IL1RAPL1: variants seen among roughly 807,000 people sequenced by gnomAD.
IL1RAPL1 encodes interleukin 1 receptor accessory protein like 1.
A neutral mutation model predicts 48.4 loss-of-function variants in IL1RAPL1; 3 were observed. The ratio of observed to expected loss-of-function variants is 0.06; its 90% CI spans 0.03 to 0.16. The LOEUF is 0.16. Ranked by LOEUF, IL1RAPL1 falls within the 10% of genes least tolerant of loss-of-function variation. The pLI is 1.00. For missense variants in IL1RAPL1, 349 were observed against 530.6 expected, an observed-to-expected ratio of 0.66 and a Z score of 3.36; for synonymous variants, 185 against 187.7, an observed-to-expected ratio of 0.99 and a Z score of 0.12.
intron 1 of IL1RAPL1, among the ~76,000 whole-genome samples, chrX:28,664,118 G>GT (rs1934849567): frequency 9.0e-6 from 1 of 111,558 alleles, no homozygotes; most frequent in Non-Finnish European, 1.9e-5. Flanking sequence ...CATCTTTCCT[G>GT]TTTTTTTCTA....
chrX:28,987,069 G>A (rs778242802), intron 2 of IL1RAPL1, among the ~76,000 whole-genome samples: 2 of 112,489 alleles, frequency 1.8e-5, no homozygotes, highest in Non-Finnish European at 3.8e-5. Context: ...CTTTGTACAT[G>A]TGCTTTTGAA....
intron 3 of IL1RAPL1, among the ~76,000 whole-genome samples, chrX:29,345,148 C>T (rs1023545473): frequency 8.9e-6 from 1 of 112,200 alleles, no homozygotes; most frequent in Non-Finnish European, 1.9e-5. Context: ...ATGAATATGC[C>T]TCATTGTACA....
At chrX:29,243,545 G>C (rs1210576964) in intron 2 of IL1RAPL1, among the ~76,000 whole-genome samples, 2 of 111,972 alleles carry the variant, frequency 1.8e-5, no homozygotes, top group Non-Finnish European at 3.8e-5. Flanking sequence ...TTCTCCTGTG[G>C]CGGGACCAAC....
chrX:29,349,793 C>T (rs1266671641), intron 3 of IL1RAPL1, among the ~76,000 whole-genome samples: 1 of 110,149 alleles, frequency 9.1e-6, no homozygotes, highest in Admixed American at 9.8e-5. Flanking sequence ...CCTCCTCTTC[C>T]AGTAACGCAG....
At chrX:29,521,764 T>C (rs1163030370) in intron 5 of IL1RAPL1, among the ~76,000 whole-genome samples, 1 of 112,119 alleles carries the variant, frequency 8.9e-6, no homozygotes, top group Non-Finnish European at 1.9e-5. Flanking sequence ...CTCAATCAAA[T>C]CTTAAGCCAT....
intron 5 of IL1RAPL1, among the ~76,000 whole-genome samples, chrX:29,498,559 T>C (rs1370750210): frequency 8.9e-6 from 1 of 111,905 alleles, no homozygotes; most frequent in African/African-American, 3.2e-5. Context: ...TCTTTTTTTT[T>C]GTTTTTTAAA....
At chrX:29,194,466 T>C in intron 2 of IL1RAPL1, among the ~76,000 whole-genome samples, 1 of 112,729 alleles carries the variant, frequency 8.9e-6, no homozygotes. Context: ...TGTGTAGATA[T>C]CTAATGTGTA....
intron 2 of IL1RAPL1, among the ~76,000 whole-genome samples, chrX:28,947,179 T>C (rs757842933): frequency 9.0e-6 from 1 of 111,720 alleles, no homozygotes; most frequent in South Asian, 3.7e-4. Context: ...CACAGTCCCA[T>C]AGCAATGCTA....
intron 6 of IL1RAPL1, among the ~76,000 whole-genome samples, chrX:29,802,775 A>G (rs6630962): frequency 0.05 from 1,542 of 30,595 alleles, 44 homozygotes; most frequent in East Asian, 0.08. Context: ...ATATATATAT[A>G]TATATATGTG....
intron 6 of IL1RAPL1, among the ~76,000 whole-genome samples, chrX:29,797,398 G>T (rs756435616): frequency 8.9e-6 from 1 of 112,011 alleles, no homozygotes; most frequent in Admixed American, 9.5e-5. Context: ...ATTGAACCAC[G>T]TTATTTAAAT....
intron 2 of IL1RAPL1, among the ~76,000 whole-genome samples, chrX:29,281,034 A>G (rs769625427): frequency 1.8e-5 from 2 of 111,991 alleles, no homozygotes; most frequent in Non-Finnish European, 3.8e-5. Flanking sequence ...AAGATAATAA[A>G]TGTGGATAAT....
chrX:29,606,692 A>G (rs1317702212), intron 5 of IL1RAPL1, among the ~76,000 whole-genome samples: 2 of 112,180 alleles, frequency 1.8e-5, no homozygotes, highest in Non-Finnish European at 3.8e-5. Context: ...GAGTAAATTC[A>G]TAATAGTTTG....
rs3065738 is a variant in IL1RAPL1 at position 29,175,073 on chromosome X, CAAAAAAAAAAAA to C, written c.83-107855_83-107844del. ...TGGGCAACAGTGTGAGACTCCGTCT[CAAAAAAAAAAAA>C]AAAAAAAAAGAGAAAAATAGAAAAA... is the stretch of plus-strand genomic sequence containing the variant. On this transcript the variant is annotated intron_variant, in intron 2 of 10. Coordinates refer to ENST00000378993, the MANE Select transcript of IL1RAPL1 (RefSeq NM_014271.4). Among the ~76,000 whole-genome samples the C allele has an allele frequency of 6.5e-5, 4 of 61,530 alleles. No homozygotes were observed. In the East Asian group the frequency reaches 2.1e-3, roughly 33 times the overall value. 53.4% of individuals were successfully genotyped at this position (61,530 alleles called of 115,157 possible).
At chrX:29,286,738 T>A (rs1932288286) in intron 3 of IL1RAPL1, among the ~76,000 whole-genome samples, 2 of 111,835 alleles carry the variant, frequency 1.8e-5, no homozygotes, top group African/African-American at 6.5e-5. Context: ...ATTCTTGACC[T>A]CCAACTTTTT....
chrX:28,995,765 G>A (rs778886402), intron 2 of IL1RAPL1, among the ~76,000 whole-genome samples: 7 of 110,589 alleles, frequency 6.3e-5, no homozygotes, highest in Admixed American at 3.9e-4. Context: ...CATTAAGAAA[G>A]GGGTAGTGGC....
chrX:29,886,652 G>C (rs972950223), intron 6 of IL1RAPL1, among the ~76,000 whole-genome samples: 2 of 112,158 alleles, frequency 1.8e-5, no homozygotes, highest in African/African-American at 6.5e-5. Flanking sequence ...AGATAAAATA[G>C]ATGTAGATGA....
At chrX:29,811,085 A>G (rs190813498) in intron 6 of IL1RAPL1, among the ~76,000 whole-genome samples, 203 of 109,777 alleles carry the variant, frequency 1.8e-3, no homozygotes, top group African/African-American at 6.4e-3. Context: ...CTTTCTTTGT[A>G]GTATGCTGCA....
intron 2 of IL1RAPL1, among the ~76,000 whole-genome samples, chrX:28,966,052 G>A (rs900633791): frequency 1.8e-5 from 2 of 111,421 alleles, no homozygotes; most frequent in Non-Finnish European, 3.8e-5. Context: ...ATTAAGGTGC[G>A]TTACCTTAGT....
At chrX:28,626,217 A>C (rs1427717532) in intron 1 of IL1RAPL1, among the ~76,000 whole-genome samples, 3 of 112,314 alleles carry the variant, frequency 2.7e-5, no homozygotes, top group Non-Finnish European at 5.6e-5. Flanking sequence ...AGGAGGCAGC[A>C]AGCTCTGTGG....
Sources: allele counts gnomAD v4.1 joint callset (sites outside exome capture counted in the v4.1 genomes callset), GRCh38; gene constraint gnomAD v4.1.1; transcripts MANE v1.5; gene names NCBI Gene and HGNC (gene_info 2026-07-23, HGNC 2026-07-21).